The following TP53BP1 variants were observed in gnomAD, a reference collection of about 807,000 sequenced individuals.
TP53BP1 encodes TP53-binding protein 1.
Under a neutral mutation model 200.8 loss-of-function variants are expected in TP53BP1, and 61 were observed. The ratio of observed to expected loss-of-function variants is 0.30; its 90% CI spans 0.25 to 0.38. The LOEUF is 0.38. TP53BP1 is among the 10% of genes least tolerant of loss of function. The probability of loss-of-function intolerance (pLI) is 1.00; values close to 1 mark genes in which losing one functional copy is unlikely to be tolerated. For missense variants in TP53BP1, 2,144 were observed against 2,371.9 expected, an observed-to-expected ratio of 0.90 and a Z score of 2.00; for synonymous variants, 822 against 844.3, an observed-to-expected ratio of 0.97 and a Z score of 0.46.
intron 18 of TP53BP1, among the ~76,000 whole-genome samples, chr15:43,424,675 T>C (rs2045484226): frequency 6.6e-6 from 1 of 152,208 alleles, no homozygotes; most frequent in Non-Finnish European, 1.5e-5. Flanking sequence ...GTCATGTAAG[T>C]TTGGGAAGTG....
chr15:43,438,390 C>T lies in TP53BP1; in HGVS notation c.3125G>A (p.Ser1042Asn). The change falls in exon 16 of 28, where the codon AGC (serine) becomes AAC (asparagine). Residue 1042 changes from serine to asparagine, a missense_variant. Ser to Asn is a conservative substitution (Grantham distance 46, BLOSUM62 1). Around this residue, in one of 4 missense-constraint regions of TP53BP1, gnomAD observed 1,700 missense variants for 1,710.3 expected, o/e 0.99. Transcript: ENST00000382044. ...CTCTTGCCTGGCTTCACAGATACAG[C>T]TCAACACAGACATGGTCTTCTGGGG... The part of the protein sequence containing the change: ...ASPQKTMSVL[S>N]CICEARQENE... The T allele has an allele frequency of 6.2e-7, 1 of 1,613,224 alleles. No homozygotes were observed. Among genetic ancestry groups the T allele is most frequent in the Non-Finnish European group, 8.5e-7 (1 of 1,179,614 alleles).
At chr15:43,415,205 T>G (rs980656535) in intron 23 of TP53BP1, 2 of 222,094 alleles carry the variant, frequency 9.0e-6, no homozygotes, top group African/African-American at 4.7e-5. Context: ...TGGCCTTCTT[T>G]TTTTTTTTTT....
intron 1 of TP53BP1, among the ~76,000 whole-genome samples, chr15:43,504,855 C>T (rs1260098662): frequency 6.6e-6 from 1 of 151,942 alleles, no homozygotes; most frequent in Non-Finnish European, 1.5e-5. Flanking sequence ...CCTGTCTCTA[C>T]CAAAAATATA....
In TP53BP1 at chr15:43,416,337, C is replaced by T. The variant is rs771887303; in HGVS notation, c.4761G>A (p.Lys1587=). 33 of 1,614,090 alleles carry T rather than the reference C, an allele frequency of 2.0e-5. No individual in the cohort carries two copies. Among genetic ancestry groups the T allele is most frequent in the Non-Finnish European group, 2.7e-5 (32 of 1,180,044 alleles). ...IEKEGQRKWY[K]RMAVILSLEQ... Reference sequence around the variant, plus strand: ...CCAAGGACAGGATGACAGCCATTCGCTTATACCACTTTCTTTGGCCTTCTT... The same window carrying T: ...CCAAGGACAGGATGACAGCCATTCGTTTATACCACTTTCTTTGGCCTTCTT... Residue 1587 remains lysine (K), a synonymous_variant, in exon 22 of 28, where the codon AAG becomes AAA. Transcript: ENST00000382044.
chr15:43,455,484 G>T (rs1285706017), intron 12 of TP53BP1, among the ~76,000 whole-genome samples: 4 of 152,140 alleles, frequency 2.6e-5, no homozygotes, highest in Non-Finnish European at 5.9e-5. Context: ...ACTTTGGAAG[G>T]CCAAGGCAGG....
intron 14 of TP53BP1, among the ~76,000 whole-genome samples, chr15:43,443,238 A>T (rs946766433): frequency 2.8e-4 from 42 of 152,286 alleles, no homozygotes; most frequent in African/African-American, 6.0e-4. Context: ...AAAACTTTTT[A>T]AAATTTATAT....
chr15:43,494,033 C>T (rs768753289), upstream of TP53BP1, among the ~76,000 whole-genome samples: 1 of 151,996 alleles, frequency 6.6e-6, no homozygotes, highest in African/African-American at 2.4e-5. Flanking sequence ...GCAGCTGTGA[C>T]GAGTCTTAAT....
At chr15:43,413,381 C>G (rs748659081) in intron 23 of TP53BP1, 47 bp from the exon 24 acceptor site, 1 of 1,539,594 alleles carries the variant, frequency 6.5e-7, no homozygotes, top group South Asian at 1.2e-5. Flanking sequence ...ACACCATTGC[C>G]TCAGCAAAAG....
chr15:43,420,833 G>A (rs901578189), intron 20 of TP53BP1, 98 bp from the exon 21 acceptor site: 2 of 1,317,958 alleles, frequency 1.5e-6, no homozygotes, highest in Non-Finnish European at 2.1e-6. Flanking sequence ...GGTCTCCTCA[G>A]CCCATTCTTT....
chr15:43,479,164 C>T (rs942482677), intron 7 of TP53BP1, among the ~76,000 whole-genome samples: 1 of 151,972 alleles, frequency 6.6e-6, no homozygotes, highest in Non-Finnish European at 1.5e-5. Context: ...TCACATGAGC[C>T]CAGGGCAACA....
intron 10 of TP53BP1, among the ~76,000 whole-genome samples, chr15:43,473,969 G>A (rs2264048): frequency 6.6e-6 from 1 of 152,358 alleles, no homozygotes; most frequent in Admixed American, 6.5e-5. Flanking sequence ...GCCCACGGAG[G>A]GGGTGGAAGG....
At chr15:43,506,585 T>C (rs1002557433) in intron 1 of TP53BP1, among the ~76,000 whole-genome samples, 1 of 152,208 alleles carries the variant, frequency 6.6e-6, no homozygotes, top group African/African-American at 2.4e-5. Context: ...TTCATCACAG[T>C]TCAAAAGCAT....
In TP53BP1 at chr15:43,481,252, A is replaced by G. The variant is rs1306009085; in HGVS notation, c.372-230T>C. ...TAAGGCACCAACATACTCGAATTTT[A>G]TATTTTTGAGAAGAGGCAGAAAAAT... On this transcript the variant is annotated intron_variant, in intron 4 of 27. Coordinates refer to ENST00000382044, the MANE Select transcript of TP53BP1 (RefSeq NM_001141980.3). 2.6e-5 allele frequency among the ~76,000 whole-genome samples: 4 copies of G among 152,220 alleles called. No individual in the cohort carries two copies. In the East Asian group the frequency reaches 5.8e-4, roughly 22 times the overall value.
In TP53BP1 at chr15:43,406,572, T is replaced by C; in HGVS notation, c.*811A>G. 2.2e-6 allele frequency: 1 copy of C among 455,940 alleles called. No individual in the cohort carries two copies. The highest frequency in any genetic ancestry group is 4.4e-6 in the Non-Finnish European group (1 of 226,756). The allele number at this position is 455,940 out of a possible 1,614,324, so 28.2% of individuals were successfully genotyped here. On this transcript the variant is annotated 3_prime_UTR_variant, in exon 28 of 28. Transcript: ENST00000382044. Reference sequence around the variant, plus strand: ...GATGGATCAAATGGCCCACAAAGCCTGAAATATTTACTCTTTGACCCTTTA... The same window carrying C: ...GATGGATCAAATGGCCCACAAAGCCCGAAATATTTACTCTTTGACCCTTTA...
intron 24 of TP53BP1, 44 bp downstream of exon 24, chr15:43,413,075 A>G: frequency 1.3e-6 from 2 of 1,588,830 alleles, no homozygotes; most frequent in Non-Finnish European, 8.6e-7. Context: ...GAAAAGAAAG[A>G]AGTGCCTATG....
rs1001969610 is a variant in TP53BP1, at chr15:43,422,108, C to T, written c.3847G>A (p.Val1283Ile). 6.2e-7 allele frequency: 1 copy of T among 1,614,028 alleles called. No homozygotes were observed. The highest frequency in any genetic ancestry group is 2.2e-5 in the East Asian group (1 of 44,878). Residue 1283 changes from valine to isoleucine, a missense_variant, in exon 19 of 28, where the codon GTA becomes ATA. By Grantham distance (29) the Val-to-Ile change is conservative. This residue lies in a region of TP53BP1 where 1,700 missense variants were observed against 1,710.3 expected (regional missense o/e 0.99). Transcript: ENST00000382044. The stretch of plus-strand genomic sequence containing the variant: ...TCAGTTTCACACTCCTGACACTCTA[C>T]AATTGGCTCTTCAGTCTCCTGCAAG... ...KVTEETEEPI[V>I]ECQECETEVS... is the part of the protein sequence containing the mutation.
intron 12 of TP53BP1, among the ~76,000 whole-genome samples, chr15:43,449,030 G>A (rs1360230561): frequency 7.3e-6 from 1 of 137,670 alleles, no homozygotes; most frequent in Non-Finnish European, 1.5e-5. Flanking sequence ...AGGAGGCTGA[G>A]GCAGGAGAAC....
chr15:43,432,974 G>A (rs1356901211), intron 16 of TP53BP1, among the ~76,000 whole-genome samples: 2 of 151,920 alleles, frequency 1.3e-5, no homozygotes, highest in Admixed American at 1.3e-4. Flanking sequence ...CTTGATGCAG[G>A]AAAATGAAGT....
intron 21 of TP53BP1, 50 bp downstream of exon 21, chr15:43,420,255 A>ATT (rs1160146544): frequency 1.3e-6 from 2 of 1,538,680 alleles, no homozygotes; most frequent in African/African-American, 1.4e-5. Flanking sequence ...ACAGAGTATT[A>ATT]TTGCCCCAAG....
Sources: gnomAD v4.1 joint callset for allele counts (sites outside exome capture counted in the v4.1 genomes callset) on GRCh38, gnomAD v4.1.1 for gene constraint, gnomAD v4.1.1 regional missense constraint, MANE v1.5 for transcripts, NCBI Gene and HGNC (gene_info 2026-07-23, HGNC 2026-07-21) for gene names.